The following ABCA8 variants were observed in gnomAD, a reference collection of about 807,000 sequenced individuals.
The protein encoded by ABCA8 is ABC-type organic anion transporter ABCA8.
ABCA8 carries 177 observed loss-of-function variants against 192.3 expected under a neutral mutation model. The observed-to-expected ratio is 0.92, with a 90% CI of 0.81 to 1.04. The LOEUF (loss-of-function observed/expected upper bound fraction) is 1.04, where lower values mean the gene tolerates loss of function less well. Among genes scored for constraint, ABCA8 ranks in the 50% least tolerant of loss-of-function variants. The probability of loss-of-function intolerance (pLI) is 0.00; values close to 1 mark genes in which losing one functional copy is unlikely to be tolerated. For synonymous variants in ABCA8, 642 were observed against 690.2 expected, an observed-to-expected ratio of 0.93 and a Z score of 1.09; for missense variants, 1,915 against 1,904.8, an observed-to-expected ratio of 1.01 and a Z score of -0.10.
At position 68,921,491 on chromosome 17, in the gene ABCA8, A is replaced by G. The variant is rs2067532579; in HGVS notation, c.1503T>C (p.Asp501=). The change falls in exon 13 of 40, where the codon GAT becomes GAC. Residue 501 remains aspartate (D), a splice_region_variant and synonymous_variant. Transcript: ENST00000586539. ...GGCCTTCGTAAATGTCAAATACCAG[A>G]TCTAGGAAGAAAAAAAGAAAGGAAA... ...GKPDKIEALK[D]LVFDIYEGQI... is the part of the protein sequence containing the mutation. 1 of 1,585,854 alleles carries G rather than the reference A, an allele frequency of 6.3e-7. No individual in the cohort carries two copies. The highest frequency in any genetic ancestry group is 8.6e-7 in the Non-Finnish European group (1 of 1,161,268).
Position 68,882,675 on chromosome 17 carries a change from G to T in ABCA8, c.3752C>A (p.Pro1251Gln), listed in dbSNP as rs776375703. 19 of 1,612,294 alleles carry T rather than the reference G, an allele frequency of 1.2e-5. No homozygotes were observed. The South Asian group carries it at 1.9e-4, about 16-fold the overall frequency. Reference sequence around the variant, plus strand: ...CTGAACATCTTCATCCTCTCCTTCTGGTTCTTCTGGATTTTGACACACATC... The same window carrying T: ...CTGAACATCTTCATCCTCTCCTTCTTGTTCTTCTGGATTTTGACACACATC... ...SSDVCQNPEE[P>Q]EGEDEDVQME... Residue 1251 changes from proline (P) to glutamine (Q), a missense_variant, in exon 30 of 40, where the codon CCA becomes CAA. By Grantham distance (76) the Pro-to-Gln change is moderately conservative. Transcript: ENST00000586539.
At chr17:68,950,283 T>G (rs4968827) in intron 1 of ABCA8, among the ~76,000 whole-genome samples, 76,945 of 151,910 alleles carry the variant, frequency 0.51, 19,983 homozygotes, top group Middle Eastern at 0.59. Flanking sequence ...AATTTATAAA[T>G]TCAATGCTAT....
intron 17 of ABCA8, among the ~76,000 whole-genome samples, chr17:68,917,121 C>T (rs184560806): frequency 1.3e-5 from 2 of 152,040 alleles, no homozygotes; most frequent in Non-Finnish European, 2.9e-5. Context: ...CACAAAAAAA[C>T]TTAGCTGGGC....
intron 37 of ABCA8, among the ~76,000 whole-genome samples, chr17:68,872,921 AAAGTT>A (rs1444341445): frequency 6.6e-6 from 1 of 152,252 alleles, no homozygotes; most frequent in African/African-American, 2.4e-5. Flanking sequence ...TTACTACAAA[AAAGTT>A]AAAAAGTTAA....
At chr17:68,890,161 A>G (rs2143374495) in intron 24 of ABCA8, among the ~76,000 whole-genome samples, 1 of 152,328 alleles carries the variant, frequency 6.6e-6, no homozygotes, top group African/African-American at 2.4e-5. Flanking sequence ...ACAATTTACA[A>G]TCCCACCCAC....
chr17:68,882,909 A>T (rs2066370043), intron 29 of ABCA8, among the ~76,000 whole-genome samples, 190 bp from the exon 30 acceptor site: 1 of 152,186 alleles, frequency 6.6e-6, no homozygotes, highest in Non-Finnish European at 1.5e-5. Flanking sequence ...TTCAATATCA[A>T]CTTGAAACCT....
chr17:68,913,142 G>A (rs1225975645), intron 17 of ABCA8, among the ~76,000 whole-genome samples: 1 of 152,032 alleles, frequency 6.6e-6, no homozygotes, highest in African/African-American at 2.4e-5. Context: ...ATATGTGTTA[G>A]AATGACCAGT....
intron 26 of ABCA8, among the ~76,000 whole-genome samples, chr17:68,886,632 CT>C (rs1342827225): frequency 2.6e-5 from 4 of 152,108 alleles, no homozygotes; most frequent in African/African-American, 9.7e-5. Context: ...TTTGAGAGCC[CT>C]TTCAGGATTG....
intron 30 of ABCA8, among the ~76,000 whole-genome samples, chr17:68,882,234 A>G (rs984703821): frequency 6.6e-6 from 1 of 152,114 alleles, no homozygotes; most frequent in Non-Finnish European, 1.5e-5. Context: ...CTGTCCTTTC[A>G]GATCAAACGG....
At position 68,932,422 on chromosome 17, in the gene ABCA8, T is replaced by C. The variant is rs375209120; in HGVS notation, c.663A>G (p.Ile221Met). The change falls in exon 7 of 40, where the codon ATA becomes ATG. Residue 221 changes from isoleucine to methionine, a missense_variant. Coordinates refer to ENST00000586539, the MANE Select transcript of ABCA8 (RefSeq NM_001288985.2). ...MHSFIGQSGVITDLYLFSCII... is the reference protein window; with the variant it reads ...MHSFIGQSGVMTDLYLFSCII... ...TGCAGGAAAAAAGGTACAAATCAGT[T>C]ATAACTCCTGATTGACCAATGAAGG... The C allele has an allele frequency of 3.7e-6, 6 of 1,613,622 alleles. No individual in the cohort carries two copies. The highest frequency in any genetic ancestry group is 1.3e-5 in the African/African-American group (1 of 74,904).
At position 68,891,594 on chromosome 17, in the gene ABCA8, A is replaced by T. The variant is rs777714468; in HGVS notation, c.3039T>A (p.Asn1013Lys). 2.5e-6 allele frequency: 4 copies of T among 1,605,190 alleles called. No homozygotes were observed. Among genetic ancestry groups the T allele is most frequent in the Non-Finnish European group, 3.4e-6 (4 of 1,176,492 alleles). ...GGAATCCGATTGGATTGTCCTGTCC[A>T]TTCTGAAAAACCCAAAGAATACAAT... ...IRTERSTFLE[N>K]GQDNPIGFLA... Residue 1013 changes from asparagine to lysine, a missense_variant and splice_region_variant, in exon 24 of 40, where the codon AAT (asparagine) becomes AAA (lysine). Transcript: ENST00000586539.
rs891464032 is a variant in ABCA8 at position 68,918,230 on chromosome 17, A to T, written c.1909-45T>A. 3 of 1,608,416 alleles carry T rather than the reference A, an allele frequency of 1.9e-6. No homozygotes were observed. In the Admixed American group the frequency reaches 5.1e-5, roughly 27 times the overall value. On this transcript the variant is annotated intron_variant, in intron 15 of 39. Coordinates refer to ENST00000586539, the MANE Select transcript of ABCA8 (RefSeq NM_001288985.2). ...ATAAGGCGGTTTTCCTCAAAGGTGA[A>T]GTTCTTCCAGAAAACAACGCAAAAA...
At chr17:68,888,347 A>G (rs1014426175) in intron 24 of ABCA8, among the ~76,000 whole-genome samples, 7 of 152,286 alleles carry the variant, frequency 4.6e-5, no homozygotes, top group African/African-American at 1.7e-4. Flanking sequence ...AGGTTTGTAT[A>G]TTAAACTATT....
intron 2 of ABCA8, among the ~76,000 whole-genome samples, chr17:68,945,659 C>T (rs1457144404): frequency 6.6e-6 from 1 of 152,054 alleles, no homozygotes; most frequent in Non-Finnish European, 1.5e-5. Flanking sequence ...TGACCTAAGT[C>T]GTTGGTGATG....
At chr17:68,883,384 T>C (rs1190740076) in intron 29 of ABCA8, among the ~76,000 whole-genome samples, 1 of 152,182 alleles carries the variant, frequency 6.6e-6, no homozygotes, top group Non-Finnish European at 1.5e-5. Flanking sequence ...ACTGAACCAG[T>C]CTGTGATCCA....
rs978653145 is a variant in ABCA8 at position 68,955,281 on chromosome 17, A to C, written c.-229T>G. 1 of 152,206 alleles carries C rather than the reference A, an allele frequency of 6.6e-6. No individual in the cohort carries two copies. Among genetic ancestry groups the C allele is most frequent in the Non-Finnish European group, 1.5e-5 (1 of 68,034 alleles). The allele number at this position is 152,206 out of a possible 1,614,324, so 9.4% of individuals were successfully genotyped here. On this transcript the variant is annotated 5_prime_UTR_variant, in exon 1 of 40. Coordinates refer to ENST00000586539, the MANE Select transcript of ABCA8 (RefSeq NM_001288985.2). ...TTTATCCACTGAGCTCCTTGTTTAG[A>C]AGAAAGTTATTCATATTTTCTCCTG... is the stretch of plus-strand genomic sequence containing the variant.
chr17:68,932,664 G>A lies in ABCA8; in HGVS notation c.571-150C>T, dbSNP rs532188973. 87 of 611,746 alleles carry A rather than the reference G, an allele frequency of 1.4e-4. No homozygotes were observed. The African/African-American group carries it at 1.5e-3, about 11-fold the overall frequency. 37.9% of individuals were successfully genotyped at this position (611,746 alleles called of 1,614,324 possible). On this transcript the variant is annotated intron_variant, in intron 6 of 39. Transcript: ENST00000586539. ...CACTTCTATGTCCTGTCATTGACCT[G>A]CTGGGACCTCGGAGTCCAGGCATTT...
chr17:68,904,112 G>T (rs964514143), intron 19 of ABCA8, among the ~76,000 whole-genome samples: 7 of 151,790 alleles, frequency 4.6e-5, no homozygotes, highest in Middle Eastern at 3.4e-3. Context: ...TAAGATAGTG[G>T]TCAAAAGTCC....
In ABCA8 at chr17:68,907,835, A is replaced by G. The variant is rs752218953; in HGVS notation, c.2183T>C (p.Leu728Pro). The G allele has an allele frequency of 3.2e-5, 52 of 1,608,182 alleles. No individual in the cohort carries two copies. In the Middle Eastern group the frequency reaches 2.0e-3, roughly 62 times the overall value. The change falls in exon 18 of 40, where the codon CTT becomes CCT. Residue 728 changes from leucine (L) to proline (P), a missense_variant. Transcript: ENST00000586539. ...GGCATCAGGGATGTGCTGTTTAACA[A>G]GTGATGTTATGTTTTCCTCAACACA... ...EICVEENITS[L>P]VKQHIPDAKL...
Sources: allele counts gnomAD v4.1 joint callset (sites outside exome capture counted in the v4.1 genomes callset), GRCh38; gene constraint gnomAD v4.1.1; transcripts MANE v1.5; gene names NCBI Gene and HGNC (gene_info 2026-07-23, HGNC 2026-07-21).